Variants in RANBP17 observed in about 807,000 individuals in gnomAD.
RANBP17 encodes the protein RAN binding protein 17.
A neutral mutation model predicts 141.2 loss-of-function variants in RANBP17; 158 were observed. The observed-to-expected ratio is 1.12, with a 90% CI of 0.98 to 1.28. The LOEUF is 1.28. Ranked by LOEUF, RANBP17 falls within the 50% of genes most tolerant of loss-of-function variation. The pLI is 0.00. For synonymous variants in RANBP17, 430 were observed against 450.0 expected, an observed-to-expected ratio of 0.96 and a Z score of 0.56; for missense variants, 1,438 against 1,290.7, an observed-to-expected ratio of 1.11 and a Z score of -1.75.
intron 14 of RANBP17, among the ~76,000 whole-genome samples, chr5:171,111,251 T>G (rs2127759181): frequency 6.6e-6 from 1 of 152,324 alleles, no homozygotes; most frequent in African/African-American, 2.4e-5. Flanking sequence ...CTCATCTTTC[T>G]TACTCAGTCA....
At position 170,924,445 on chromosome 5, in the gene RANBP17, A is replaced by G; in HGVS notation, c.1363A>G (p.Lys455Glu). 1 of 1,613,542 alleles carries G rather than the reference A, an allele frequency of 6.2e-7. No homozygotes were observed. The highest frequency in any genetic ancestry group is 8.5e-7 in the Non-Finnish European group (1 of 1,179,576). The change falls in exon 12 of 28, where the codon AAG becomes GAG. Residue 455 changes from lysine to glutamate, a missense_variant. Coordinates refer to ENST00000523189, the MANE Select transcript of RANBP17 (RefSeq NM_022897.5). ...LCTVSRCEYEKTCALLVQLFD... is the reference protein window; with the variant it reads ...LCTVSRCEYEETCALLVQLFD... Reference sequence around the variant, plus strand: ...CACGGTCAGCAGATGTGAATATGAAAAGACATGTGCTCTTCTTGTGCAGTT... The same window carrying G: ...CACGGTCAGCAGATGTGAATATGAAGAGACATGTGCTCTTCTTGTGCAGTT...
chr5:171,082,218 T>TAC (rs565682725), intron 14 of RANBP17, among the ~76,000 whole-genome samples: 167 of 152,100 alleles, frequency 1.1e-3, no homozygotes, highest in African/African-American at 3.8e-3. Context: ...TTCATTAAAA[T>TAC]ACACACACAC....
chr5:170,939,501 C>G (rs1774157478), intron 12 of RANBP17, among the ~76,000 whole-genome samples: 1 of 152,020 alleles, frequency 6.6e-6, no homozygotes, highest in African/African-American at 2.4e-5. Flanking sequence ...TCTCCTGCCT[C>G]AGCCTCCAGA....
At chr5:171,144,931 G>A (rs1395443713) in intron 14 of RANBP17, among the ~76,000 whole-genome samples, 1 of 152,094 alleles carries the variant, frequency 6.6e-6, no homozygotes, top group African/African-American at 2.4e-5. Context: ...ATGGATTTTG[G>A]CTCCAGGCAT....
chr5:171,123,133 T>C (rs1561677382), intron 14 of RANBP17, among the ~76,000 whole-genome samples: 1 of 152,158 alleles, frequency 6.6e-6, no homozygotes, highest in Non-Finnish European at 1.5e-5. Context: ...ACCCTTCCAC[T>C]GGTAGGGTTG....
chr5:171,118,410 A>G (rs945623935), intron 14 of RANBP17, among the ~76,000 whole-genome samples: 2 of 151,044 alleles, frequency 1.3e-5, no homozygotes, highest in Non-Finnish European at 3.0e-5. Context: ...GACTTTTAGG[A>G]TTTTTTTTTC....
chr5:171,287,824 T>G (rs1007003757), intron 25 of RANBP17, among the ~76,000 whole-genome samples: 1 of 152,202 alleles, frequency 6.6e-6, no homozygotes, highest in African/African-American at 2.4e-5. Flanking sequence ...CCTCCTGGGT[T>G]CAGCCAGGCT....
At chr5:171,272,957 G>C (rs917815158) in intron 25 of RANBP17, among the ~76,000 whole-genome samples, 3 of 152,128 alleles carry the variant, frequency 2.0e-5, no homozygotes, top group Non-Finnish European at 4.4e-5. Flanking sequence ...TTTATAGCCA[G>C]ATGTTGAAGG....
chr5:170,967,015 C>T (rs1376984330), intron 13 of RANBP17, among the ~76,000 whole-genome samples: 1 of 152,076 alleles, frequency 6.6e-6, no homozygotes, highest in Non-Finnish European at 1.5e-5. Context: ...TCAAGGAGAA[C>T]TACAAACCAC....
At chr5:170,917,246 T>G (rs1772050863) in intron 9 of RANBP17, among the ~76,000 whole-genome samples, 1 of 152,222 alleles carries the variant, frequency 6.6e-6, no homozygotes, top group Admixed American at 6.5e-5. Flanking sequence ...AATATAAATC[T>G]GAATGTTAAT....
At chr5:170,954,540 A>ACACC in intron 13 of RANBP17, among the ~76,000 whole-genome samples, 1 of 149,976 alleles carries the variant, frequency 6.7e-6, no homozygotes, top group Non-Finnish European at 1.5e-5. Flanking sequence ...ACACACACAC[A>ACACC]CACACCCCAA....
chr5:170,986,575 T>C (rs979501559), intron 14 of RANBP17, among the ~76,000 whole-genome samples: 2 of 151,894 alleles, frequency 1.3e-5, no homozygotes, highest in East Asian at 3.9e-4. Context: ...TATATATATA[T>C]ACCTGTGATG....
chr5:171,293,388 C>T (rs1768623357), intron 25 of RANBP17, among the ~76,000 whole-genome samples: 1 of 152,210 alleles, frequency 6.6e-6, no homozygotes. Flanking sequence ...AGAGAAACCT[C>T]GAACAGCCTA....
chr5:171,275,903 G>A (rs1767457702), intron 25 of RANBP17, among the ~76,000 whole-genome samples: 1 of 152,176 alleles, frequency 6.6e-6, no homozygotes, highest in Non-Finnish European at 1.5e-5. Flanking sequence ...GAGTGGAGGT[G>A]TCAGTCTAGG....
intron 22 of RANBP17, among the ~76,000 whole-genome samples, chr5:171,225,198 G>A (rs1435829833): frequency 6.6e-6 from 1 of 152,202 alleles, no homozygotes; most frequent in Non-Finnish European, 1.5e-5. Flanking sequence ...AGTTGCCAAA[G>A]TAAGATTTTA....
chr5:171,053,677 G>A (rs1783114562), intron 14 of RANBP17, among the ~76,000 whole-genome samples: 1 of 150,300 alleles, frequency 6.7e-6, no homozygotes, highest in South Asian at 2.1e-4. Context: ...AGGTAGTTTT[G>A]TTTTTTTTCC....
At chr5:171,046,790 A>G (rs1262460722) in intron 14 of RANBP17, among the ~76,000 whole-genome samples, 1 of 152,112 alleles carries the variant, frequency 6.6e-6, no homozygotes, top group African/African-American at 2.4e-5. Context: ...TCTTGCCATC[A>G]ATGTCATTTG....
At chr5:170,974,465 T>TA (rs1207537158) in intron 14 of RANBP17, among the ~76,000 whole-genome samples, 3 of 152,186 alleles carry the variant, frequency 2.0e-5, no homozygotes, top group African/African-American at 7.2e-5. Context: ...CTCTAGGTGG[T>TA]AGAGTTCTCA....
chr5:171,251,970 T>G, intron 24 of RANBP17: 1 of 1,609,578 alleles, frequency 6.2e-7, no homozygotes, highest in Non-Finnish European at 8.5e-7. Flanking sequence ...GCAATTCAGT[T>G]CTTCAAGCAC....
Sources: allele counts gnomAD v4.1 joint callset (sites outside exome capture counted in the v4.1 genomes callset), GRCh38; gene constraint gnomAD v4.1.1; transcripts MANE v1.5; gene names NCBI Gene and HGNC (gene_info 2026-07-23, HGNC 2026-07-21).